FRS2: variants seen among roughly 807,000 people sequenced by gnomAD.
FRS2 encodes the protein fibroblast growth factor receptor substrate 2.
In FRS2, 8 loss-of-function variants were observed where a neutral mutation model predicts 43.9. The ratio of observed to expected loss-of-function variants is 0.18; its 90% CI spans 0.11 to 0.33. The LOEUF is 0.33. Among genes scored for constraint, FRS2 ranks in the 10% least tolerant of loss-of-function variants. The probability of loss-of-function intolerance (pLI) is 1.00; values close to 1 mark genes in which losing one functional copy is unlikely to be tolerated. For synonymous variants in FRS2, 219 were observed against 220.3 expected (o/e 0.99, Z 0.05); for missense variants, 534 against 627.6 (o/e 0.85, Z 1.59).
intron 1 of FRS2, among the ~76,000 whole-genome samples, chr12:69,506,231 A>G (rs150967030): frequency 3.3e-4 from 50 of 152,292 alleles, no homozygotes; most frequent in African/African-American, 1.1e-3. Context: ...CTTAATGTTA[A>G]TAAGAGTTCC....
chr12:69,508,086 GATA>G (rs1409161702), intron 1 of FRS2, among the ~76,000 whole-genome samples: 5 of 131,608 alleles, frequency 3.8e-5, no homozygotes, highest in Non-Finnish European at 8.1e-5. Context: ...TTGCAGATAA[GATA>G]ATAAGATTGT....
At chr12:69,491,279 A>G (rs1467130151) in intron 1 of FRS2, among the ~76,000 whole-genome samples, 2 of 151,988 alleles carry the variant, frequency 1.3e-5, no homozygotes, top group African/African-American at 4.8e-5. Flanking sequence ...TATTTTTTAT[A>G]AAGACGAGGT....
At chr12:69,552,952 A>G (rs1879026324) in intron 3 of FRS2, among the ~76,000 whole-genome samples, 1 of 152,176 alleles carries the variant, frequency 6.6e-6, no homozygotes, top group African/African-American at 2.4e-5. Flanking sequence ...TGGTGGTTCT[A>G]GGACTTACTG....
In FRS2 at chr12:69,519,800, A is replaced by T. The variant is rs148372405; in HGVS notation, c.-260-11065A>T. Among the ~76,000 whole-genome samples, 3 of 152,328 alleles carry T rather than the reference A, an allele frequency of 2.0e-5. No homozygotes were observed. In the East Asian group the frequency reaches 5.8e-4, roughly 29 times the overall value. On this transcript the variant is annotated intron_variant, in intron 1 of 8. Coordinates refer to ENST00000549921, the MANE Select transcript of FRS2 (RefSeq NM_001278356.2). ...TATATGTACCACATTTTCATTATCC[A>T]GTCTACCATTAAAGGGCATTTAGGT... is the stretch of plus-strand genomic sequence containing the variant.
chr12:69,545,210 AAAAAT>A (rs1878263151), intron 3 of FRS2, among the ~76,000 whole-genome samples: 1 of 152,212 alleles, frequency 6.6e-6, no homozygotes, highest in Admixed American at 6.5e-5. Context: ...TGTGAATACT[AAAAAT>A]AATCTACAGA....
intron 4 of FRS2, among the ~76,000 whole-genome samples, chr12:69,563,679 C>T (rs1593061191): frequency 6.6e-6 from 1 of 152,176 alleles, no homozygotes; most frequent in East Asian, 1.9e-4. Context: ...AATAATCCTG[C>T]TCTCTTTTCT....
At chr12:69,573,584 T>A (rs1216729177) in intron 8 of FRS2, among the ~76,000 whole-genome samples, 1 of 152,158 alleles carries the variant, frequency 6.6e-6, no homozygotes, top group African/African-American at 2.4e-5. Flanking sequence ...TGCCTCAGCC[T>A]CCAGAGTAGC....
At chr12:69,534,388 A>G (rs935002744) in intron 3 of FRS2, among the ~76,000 whole-genome samples, 3 of 152,356 alleles carry the variant, frequency 2.0e-5, no homozygotes, top group South Asian at 2.1e-4. Context: ...AAAATTCAGA[A>G]TAGGTTGAAA....
intron 3 of FRS2, among the ~76,000 whole-genome samples, chr12:69,556,015 G>C (rs1014461097): frequency 6.6e-6 from 1 of 151,140 alleles, no homozygotes; most frequent in Non-Finnish European, 1.5e-5. Context: ...TGGCGGGGGG[G>C]GGGGCGGTGT....
chr12:69,486,445 C>A (rs1246424665), intron 1 of FRS2: 1 of 152,248 alleles, frequency 6.6e-6, no homozygotes, highest in African/African-American at 2.4e-5. Context: ...GTTCTGACTG[C>A]TCCACTGAAT....
intron 1 of FRS2, among the ~76,000 whole-genome samples, chr12:69,525,089 GT>G (rs1182742665): frequency 1.3e-5 from 2 of 151,860 alleles, no homozygotes; most frequent in African/African-American, 4.8e-5. Context: ...GGTGGGAGCT[GT>G]TTCTCCTGGC....
At chr12:69,524,982 T>TCCTC (rs1185595557) in intron 1 of FRS2, among the ~76,000 whole-genome samples, 1 of 152,074 alleles carries the variant, frequency 6.6e-6, no homozygotes, top group Non-Finnish European at 1.5e-5. Context: ...TCCTCCCGCT[T>TCCTC]CAGCTATGCC....
intron 2 of FRS2, 96 bp downstream of exon 2, chr12:69,531,056 A>G (rs1876740105): frequency 6.6e-6 from 1 of 151,640 alleles, no homozygotes; most frequent in African/African-American, 2.4e-5. Context: ...CAGGCTGGGC[A>G]TGGTGGCTCA....
intron 4 of FRS2, among the ~76,000 whole-genome samples, chr12:69,567,750 C>G (rs1316880532): frequency 6.6e-6 from 1 of 152,122 alleles, no homozygotes; most frequent in Non-Finnish European, 1.5e-5. Flanking sequence ...AGAAAGGGAG[C>G]AGCTTGGAAG....
At chr12:69,486,676 A>G (rs1263610758) in intron 1 of FRS2, among the ~76,000 whole-genome samples, 2 of 152,240 alleles carry the variant, frequency 1.3e-5, no homozygotes, top group Non-Finnish European at 2.9e-5. Flanking sequence ...TGTAAATGCA[A>G]AGGAAAAGTT....
At chr12:69,556,700 C>T (rs1475003157) in intron 3 of FRS2, among the ~76,000 whole-genome samples, 3 of 152,008 alleles carry the variant, frequency 2.0e-5, no homozygotes, top group East Asian at 3.9e-4. Flanking sequence ...AGTGAAGATG[C>T]CTAGGGATTT....
At chr12:69,534,963 T>C (rs896455745) in intron 3 of FRS2, among the ~76,000 whole-genome samples, 1 of 152,214 alleles carries the variant, frequency 6.6e-6, no homozygotes, top group African/African-American at 2.4e-5. Flanking sequence ...TTCCAGTTGA[T>C]CCTTTTCAGT....
chr12:69,523,906 C>T (rs1240585814), intron 1 of FRS2, among the ~76,000 whole-genome samples: 2 of 152,204 alleles, frequency 1.3e-5, no homozygotes, highest in African/African-American at 2.4e-5. Context: ...CAAGTGCCAG[C>T]CAAAGCACTT....
intron 3 of FRS2, among the ~76,000 whole-genome samples, chr12:69,558,662 G>A (rs1170022619): frequency 6.6e-6 from 1 of 152,114 alleles, no homozygotes; most frequent in East Asian, 1.9e-4. Context: ...AGACTTTTTT[G>A]ATGCTATTTC....
Sources: allele counts gnomAD v4.1 joint callset (sites outside exome capture counted in the v4.1 genomes callset), GRCh38; gene constraint gnomAD v4.1.1; transcripts MANE v1.5; gene names NCBI Gene and HGNC (gene_info 2026-07-23, HGNC 2026-07-21).